Variants in ASIC2 observed in about 807,000 individuals in gnomAD.
The protein encoded by ASIC2 is acid sensing ion channel subunit 2, also known as acid-sensing ion channel 2.
In ASIC2, 25 loss-of-function variants were observed where a neutral mutation model predicts 57.3. That is an observed-to-expected ratio of 0.44 (90% CI 0.32 to 0.61). The LOEUF is 0.61. Ranked by LOEUF, ASIC2 falls within the 20% of genes least tolerant of loss-of-function variation. The pLI is 0.06. For missense variants in ASIC2, 641 were observed against 738.1 expected, an observed-to-expected ratio of 0.87 and a Z score of 1.52; for synonymous variants, 319 against 307.5, an observed-to-expected ratio of 1.04 and a Z score of -0.39.
intron 1 of ASIC2, among the ~76,000 whole-genome samples, chr17:33,693,595 A>G (rs1245636826): frequency 6.6e-6 from 1 of 152,222 alleles, no homozygotes; most frequent in Non-Finnish European, 1.5e-5. Flanking sequence ...TGGGTAGACT[A>G]TTCTGCGGAC....
intron 1 of ASIC2, among the ~76,000 whole-genome samples, chr17:33,804,917 A>G (rs1912228223): frequency 6.6e-6 from 1 of 151,828 alleles, no homozygotes. Context: ...CAGGTCATAA[A>G]TGCATCTGAT....
intron 1 of ASIC2, among the ~76,000 whole-genome samples, chr17:33,641,630 C>G (rs1248923034): frequency 6.6e-6 from 1 of 152,084 alleles, no homozygotes; most frequent in Non-Finnish European, 1.5e-5. Context: ...ACTTTATCAT[C>G]CCAGAAGCCC....
At chr17:33,666,440 T>A (rs1053138443) in intron 1 of ASIC2, among the ~76,000 whole-genome samples, 1 of 152,196 alleles carries the variant, frequency 6.6e-6, no homozygotes, top group African/African-American at 2.4e-5. Context: ...ACTGGGGTTC[T>A]ACATCAGACT....
chr17:33,137,230 G>A (rs1230795913), intron 1 of ASIC2, among the ~76,000 whole-genome samples: 1 of 152,240 alleles, frequency 6.6e-6, no homozygotes, highest in Non-Finnish European at 1.5e-5. Context: ...ACAAGATGCT[G>A]TGGTCTAATA....
At chr17:33,919,971 T>C (rs2141964270) in intron 1 of ASIC2, among the ~76,000 whole-genome samples, 2 of 152,192 alleles carry the variant, frequency 1.3e-5, no homozygotes, top group African/African-American at 4.8e-5. Context: ...CACAATGAGA[T>C]ACCATCTCAC....
chr17:33,216,565 C>T (rs907912294), intron 1 of ASIC2, among the ~76,000 whole-genome samples: 11 of 152,138 alleles, frequency 7.2e-5, no homozygotes, highest in African/African-American at 2.4e-4. Context: ...TTTGCAAAGA[C>T]TTGAAGGGGA....
At chr17:33,192,421 A>T (rs1451341658) in intron 1 of ASIC2, among the ~76,000 whole-genome samples, 1 of 151,208 alleles carries the variant, frequency 6.6e-6, no homozygotes, top group African/African-American at 2.4e-5. Flanking sequence ...AAACAAAACA[A>T]AACAAAACAA....
intron 1 of ASIC2, among the ~76,000 whole-genome samples, chr17:33,414,117 G>A (rs536543792): frequency 1.3e-5 from 2 of 152,140 alleles, no homozygotes; most frequent in South Asian, 2.1e-4. Flanking sequence ...CCACCCCTGC[G>A]AGGCTCTCCA....
chr17:33,430,142 G>A (rs530330623), intron 1 of ASIC2, among the ~76,000 whole-genome samples: 1 of 152,106 alleles, frequency 6.6e-6, no homozygotes, highest in Non-Finnish European at 1.5e-5. Context: ...CTGGCTCCTC[G>A]CTGGTCTTGT....
chr17:33,987,228 C>T (rs1905849415), intron 1 of ASIC2, among the ~76,000 whole-genome samples: 1 of 152,158 alleles, frequency 6.6e-6, no homozygotes, highest in African/African-American at 2.4e-5. Flanking sequence ...ACCAACTCGG[C>T]TGCTCCCATG....
At chr17:33,098,702 A>AAC (rs1374945064) in intron 2 of ASIC2, among the ~76,000 whole-genome samples, 1 of 152,162 alleles carries the variant, frequency 6.6e-6, no homozygotes, top group Non-Finnish European at 1.5e-5. Flanking sequence ...CTGCAGCAAA[A>AAC]ACATGTTATA....
At chr17:33,837,039 C>A (rs1263224109) in intron 1 of ASIC2, among the ~76,000 whole-genome samples, 1 of 152,158 alleles carries the variant, frequency 6.6e-6, no homozygotes, top group Non-Finnish European at 1.5e-5. Context: ...TTCCTACAGC[C>A]TTTTCTTGAG....
chr17:33,514,271 G>A (rs1914505288), intron 1 of ASIC2, among the ~76,000 whole-genome samples: 3 of 152,186 alleles, frequency 2.0e-5, no homozygotes, highest in African/African-American at 7.2e-5. Context: ...GGACTTAGCT[G>A]TGCATGACAC....
intron 1 of ASIC2, among the ~76,000 whole-genome samples, chr17:33,362,232 A>G (rs973639591): frequency 1.3e-5 from 2 of 152,192 alleles, no homozygotes; most frequent in South Asian, 4.1e-4. Context: ...CTCCCTTAAA[A>G]TGTACTTGTC....
intron 1 of ASIC2, among the ~76,000 whole-genome samples, chr17:33,140,540 T>C (rs896900650): frequency 3.3e-5 from 5 of 152,196 alleles, no homozygotes; most frequent in African/African-American, 1.2e-4. Flanking sequence ...GAAATATATA[T>C]ACATAAAGTA....
chr17:33,307,353 C>A (rs1271503178), intron 1 of ASIC2, among the ~76,000 whole-genome samples: 1 of 151,582 alleles, frequency 6.6e-6, no homozygotes, highest in East Asian at 1.9e-4. Flanking sequence ...GTTGCCTAGG[C>A]TGGAGTGCTA....
In ASIC2 at chr17:34,013,516, T is replaced by C. The variant is rs376890338; in HGVS notation, c.555+142462A>G. ...ATCCCTGCATTCCCAGTGCCTAGCA[T>C]AGAAGATGCAGAATAAGGAGTTTAT... On this transcript the variant is annotated intron_variant, in intron 1 of 9. Transcript: ENST00000359872. Among the ~76,000 whole-genome samples the C allele has an allele frequency of 3.3e-5, 5 of 152,266 alleles. No individual in the cohort carries two copies. In the East Asian group the frequency reaches 7.7e-4, roughly 24 times the overall value.
rs1014479648 is a variant in ASIC2 at position 33,495,658 on chromosome 17, C to G, written c.556-383591G>C. ...TTCCTAGGCTGGGTCCTAATGGCAC[C>G]TAATGGTGCCAAAGGCCAGGCCCCC... On this transcript the variant is annotated intron_variant, in intron 1 of 9. Coordinates refer to the ASIC2 transcript ENST00000359872. 2.0e-5 allele frequency among the ~76,000 whole-genome samples: 3 copies of G among 152,126 alleles called. No homozygotes were observed. The East Asian group carries it at 5.8e-4, about 29-fold the overall frequency.
At chr17:34,109,340 T>C (rs1338743865) in intron 1 of ASIC2, among the ~76,000 whole-genome samples, 2 of 152,220 alleles carry the variant, frequency 1.3e-5, no homozygotes, top group Admixed American at 1.3e-4. Context: ...TCCATTCTGC[T>C]TCTGGGCTGC....
Sources: allele counts gnomAD v4.1 joint callset (sites outside exome capture counted in the v4.1 genomes callset), GRCh38; gene constraint gnomAD v4.1.1; transcripts MANE v1.5; gene names NCBI Gene and HGNC (gene_info 2026-07-23, HGNC 2026-07-21).